The following MKX variants were observed in gnomAD, a reference collection of about 807,000 sequenced individuals.
MKX encodes the protein homeobox protein Mohawk.
Under a neutral mutation model 36.0 loss-of-function variants are expected in MKX, and 13 were observed. The observed-to-expected ratio is 0.36, with a 90% CI of 0.24 to 0.57. MKX has a LOEUF of 0.57. Among genes scored for constraint, MKX ranks in the 20% least tolerant of loss-of-function variants. MKX has a pLI of 0.79. For missense variants in MKX, 458 were observed against 456.4 expected (o/e 1.00, Z -0.03); for synonymous variants, 176 against 178.3 (o/e 0.99, Z 0.10).
intron 5 of MKX, among the ~76,000 whole-genome samples, chr10:27,730,808 C>A (rs1195426987): frequency 6.6e-6 from 1 of 151,630 alleles, no homozygotes; most frequent in Admixed American, 6.6e-5. Context: ...CACAAGACAG[C>A]TACTCTAACA....
rs1242482688 is a variant in MKX, at chr10:27,742,675, G to T, written c.188+553C>A. Among the ~76,000 whole-genome samples, 1 of 151,790 alleles carries T rather than the reference G, an allele frequency of 6.6e-6. No individual in the cohort carries two copies. Among genetic ancestry groups the T allele is most frequent in the Non-Finnish European group, 1.5e-5 (1 of 67,880 alleles). On this transcript the variant is annotated intron_variant, in intron 2 of 6. Coordinates refer to ENST00000419761, the MANE Select transcript of MKX (RefSeq NM_173576.3). The surrounding 1 kb of genome is among the most constrained non-coding windows in gnomAD (Gnocchi z 4.2). ...TCAAACCCGGCCCCGCAGGCCCGGG[G>T]CCTCCCCCTCCGGGTTCGCCGCGGG...
chr10:27,715,248 C>T (rs1483915054), intron 5 of MKX, among the ~76,000 whole-genome samples: 1 of 152,184 alleles, frequency 6.6e-6, no homozygotes, highest in Non-Finnish European at 1.5e-5. Context: ...GAGTCCCTCT[C>T]CTCTCTACAG....
At chr10:27,709,244 A>C (rs1836811740) in intron 5 of MKX, among the ~76,000 whole-genome samples, 1 of 152,222 alleles carries the variant, frequency 6.6e-6, no homozygotes, top group African/African-American at 2.4e-5. Flanking sequence ...AATACAAAAA[A>C]ATACAAATTA....
At chr10:27,718,649 T>C in intron 5 of MKX, 1 of 371,474 alleles carries the variant, frequency 2.7e-6, no homozygotes, top group Non-Finnish European at 5.4e-6. Context: ...CTTAACGACA[T>C]AGTAAAATAG....
chr10:27,740,280 G>A (rs141103412), intron 3 of MKX, among the ~76,000 whole-genome samples: 5 of 152,144 alleles, frequency 3.3e-5, no homozygotes, highest in African/African-American at 4.8e-5. Context: ...TAAATTTAGC[G>A]GAATGGCCAA....
intron 5 of MKX, among the ~76,000 whole-genome samples, chr10:27,687,730 C>T (rs1346357511): frequency 6.6e-6 from 1 of 152,196 alleles, no homozygotes; most frequent in Non-Finnish European, 1.5e-5. Flanking sequence ...CAAGATTGCT[C>T]CTCTGTGATC....
chr10:27,713,717 T>C (rs1212431939), intron 5 of MKX, among the ~76,000 whole-genome samples: 1 of 152,056 alleles, frequency 6.6e-6, no homozygotes, highest in Non-Finnish European at 1.5e-5. Flanking sequence ...CAATATACGG[T>C]ATTATTAGAT....
chr10:27,741,072 C>A lies in MKX; in HGVS notation c.348+273G>T, dbSNP rs565374189. Among the ~76,000 whole-genome samples the A allele has an allele frequency of 6.6e-6, 1 of 152,288 alleles. No individual in the cohort carries two copies. Among genetic ancestry groups the A allele is most frequent in the South Asian group, 2.1e-4 (1 of 4,822 alleles). ...CGATTCGTGTTTTAAGCTCTCCAGG[C>A]GATTCTGATGCTCACTAATGTTGAA... is the stretch of plus-strand genomic sequence containing the variant. On this transcript the variant is annotated intron_variant, in intron 3 of 6. Coordinates refer to ENST00000419761, the MANE Select transcript of MKX (RefSeq NM_173576.3). The surrounding 1 kb of genome is among the most constrained non-coding windows in gnomAD (Gnocchi z 5.1).
chr10:27,678,148 G>C (rs1836187704), intron 5 of MKX, among the ~76,000 whole-genome samples: 1 of 152,178 alleles, frequency 6.6e-6, no homozygotes, highest in Non-Finnish European at 1.5e-5. Flanking sequence ...CATAGTATCT[G>C]CGAAGTCATT....
chr10:27,724,795 C>CAA (rs1226109197), intron 5 of MKX, among the ~76,000 whole-genome samples: 1 of 134,738 alleles, frequency 7.4e-6, no homozygotes, highest in Admixed American at 7.3e-5. Context: ...ACACACACCC[C>CAA]GCAGAAACCT....
intron 4 of MKX, 22 bp downstream of exon 4, chr10:27,735,199 C>T: frequency 1.3e-6 from 2 of 1,520,558 alleles, no homozygotes; most frequent in East Asian, 2.4e-5. Context: ...ACAAAGAAAG[C>T]AAAATAAAAA....
intron 5 of MKX, among the ~76,000 whole-genome samples, chr10:27,712,248 G>A (rs1836886625): frequency 6.6e-6 from 1 of 152,180 alleles, no homozygotes; most frequent in African/African-American, 2.4e-5. Context: ...CTAAAGCCAG[G>A]GGGATGATGT....
At position 27,741,380 on chromosome 10, in the gene MKX, G is replaced by A; in HGVS notation, c.313C>T (p.Leu105Phe). ...GTCATCTGCGAGCCGAGGGCCAAGA[G>A]TATCTTCTCGGTCTTGGTGGGGTAC... is the stretch of plus-strand genomic sequence containing the variant. ...NPYPTKTEKI[L>F]LALGSQMTLV... The change falls in exon 3 of 7, where the codon CTC (leucine) becomes TTC (phenylalanine). Residue 105 changes from leucine (L) to phenylalanine (F), a missense_variant. Transcript: ENST00000419761. This position sits in a 1 kb window ranked among gnomAD's most constrained non-coding sequence, Gnocchi z 5.1. 3 of 1,613,454 alleles carry A rather than the reference G, an allele frequency of 1.9e-6. No homozygotes were observed. Among genetic ancestry groups the A allele is most frequent in the Non-Finnish European group, 2.5e-6 (3 of 1,179,698 alleles).
intron 5 of MKX, among the ~76,000 whole-genome samples, chr10:27,692,690 T>A (rs1350034532): frequency 6.6e-6 from 1 of 152,266 alleles, no homozygotes; most frequent in East Asian, 1.9e-4. Flanking sequence ...TAGGGTAGGA[T>A]AATAAGCTTT....
chr10:27,711,499 TTTCCTTCCTTCC>T lies in MKX; in HGVS notation c.838+22945_838+22956del, dbSNP rs58561142. ...TCTTTCTTTCTCTCTCTCTCTCTTC[TTTCCTTCCTTCC>T]TTCCTTCCTTCCTTCCTTCCTTCCT... On this transcript the variant is annotated intron_variant, in intron 5 of 6. Transcript: ENST00000419761. Among the ~76,000 whole-genome samples, 838 of 93,048 alleles carry T rather than the reference TTTCCTTCCTTCC, an allele frequency of 9.0e-3. 19 individuals are homozygous for T. Among genetic ancestry groups the T allele is most frequent in the East Asian group, 0.052 (168 of 3,260 alleles). The allele number at this position is 93,048 out of a possible 152,430, so 61.0% of individuals were successfully genotyped here. A position where few individuals can be genotyped will look rare whatever the true frequency, so the allele number is the denominator to read the frequency against.
chr10:27,742,823 G>C lies in MKX; in HGVS notation c.188+405C>G, dbSNP rs1834936671. ...GAGTGACCGAAGAGAAGTCCGCGGA[G>C]CCTGAGCCTGGACTCCCCGACTGCT... is the stretch of plus-strand genomic sequence containing the variant. On this transcript the variant is annotated intron_variant, in intron 2 of 6. Transcript: ENST00000419761. This position sits in a 1 kb window ranked among gnomAD's most constrained non-coding sequence, Gnocchi z 4.2. Among the ~76,000 whole-genome samples the C allele has an allele frequency of 6.6e-6, 1 of 152,122 alleles. No individual in the cohort carries two copies. Among genetic ancestry groups the C allele is most frequent in the African/African-American group, 2.4e-5 (1 of 41,456 alleles).
At position 27,675,551 on chromosome 10, in the gene MKX, G is replaced by A. The variant is rs1277048456; in HGVS notation, c.842C>T (p.Thr281Ile). ...ACCCTTATTGGATCCGTTTTCCAGA[G>A]TGTCTGTAAAGAAAAGCAAAAATTC... ...TEGNFVYRTDTLENGSNKGES... is the reference protein window; with the variant it reads ...TEGNFVYRTDILENGSNKGES... The change falls in exon 6 of 7, where the codon ACT becomes ATT. Residue 281 changes from threonine (T) to isoleucine (I), a missense_variant. Around this residue, in one of 3 missense-constraint regions of MKX, gnomAD observed 297 missense variants for 304.4 expected, o/e 0.98. Coordinates refer to ENST00000419761, the MANE Select transcript of MKX (RefSeq NM_173576.3). 3.1e-6 allele frequency: 5 copies of A among 1,613,548 alleles called. No homozygotes were observed. Among genetic ancestry groups the A allele is most frequent in the South Asian group, 1.1e-5 (1 of 90,910 alleles).
chr10:27,741,277 C>T lies in MKX; in HGVS notation c.348+68G>A. On this transcript the variant is annotated intron_variant, in intron 3 of 6. Coordinates refer to ENST00000419761, the MANE Select transcript of MKX (RefSeq NM_173576.3). The surrounding 1 kb of genome is among the most constrained non-coding windows in gnomAD (Gnocchi z 5.1). The stretch of plus-strand genomic sequence containing the variant: ...AGCGCCACGTGGAGAGCCACACGAA[C>T]TCTAAGCGTTCCCGCTCTTCAGCCC... 1 of 1,593,238 alleles carries T rather than the reference C, an allele frequency of 6.3e-7. No homozygotes were observed. Among genetic ancestry groups the T allele is most frequent in the Non-Finnish European group, 8.6e-7 (1 of 1,169,576 alleles).
At chr10:27,715,099 C>T (rs1189210248) in intron 5 of MKX, among the ~76,000 whole-genome samples, 1 of 151,050 alleles carries the variant, frequency 6.6e-6, no homozygotes, top group East Asian at 1.9e-4. Flanking sequence ...AGCAGCTCTC[C>T]CCACTAATAA....
Sources: allele counts gnomAD v4.1 joint callset (sites outside exome capture counted in the v4.1 genomes callset), GRCh38; gene constraint gnomAD v4.1.1; regional missense constraint gnomAD v4.1.1; non-coding constraint Gnocchi (gnomAD v3.1); transcripts MANE v1.5; gene names NCBI Gene and HGNC (gene_info 2026-07-23, HGNC 2026-07-21).